FMN1: variants seen among roughly 807,000 people sequenced by gnomAD.
FMN1 encodes formin-1.
A neutral mutation model predicts 132.4 loss-of-function variants in FMN1; 110 were observed. The observed-to-expected ratio is 0.83, with a 90% CI of 0.71 to 0.97. The LOEUF is 0.97. Ranked by LOEUF, FMN1 falls within the 50% of genes least tolerant of loss-of-function variation. The probability of loss-of-function intolerance (pLI) is 0.00; values close to 1 mark genes in which losing one functional copy is unlikely to be tolerated. For missense variants in FMN1, 1,792 were observed against 1,705.3 expected (o/e 1.05, Z -0.90); for synonymous variants, 722 against 651.7 (o/e 1.11, Z -1.64).
At chr15:32,850,138 T>C (rs1052229482) in intron 17 of FMN1, among the ~76,000 whole-genome samples, 7 of 152,242 alleles carry the variant, frequency 4.6e-5, no homozygotes, top group Admixed American at 4.6e-4. Context: ...TCATGTTCTC[T>C]AGCCATACTT....
Position 33,137,256 on chromosome 15 carries a change from C to T in FMN1, c.1867+15792G>A, listed in dbSNP as rs962630453. Among the ~76,000 whole-genome samples, 4 of 152,146 alleles carry T rather than the reference C, an allele frequency of 2.6e-5. No individual in the cohort carries two copies. In the East Asian group the frequency reaches 7.7e-4, roughly 29 times the overall value. On this transcript the variant is annotated intron_variant, in intron 4 of 20. Coordinates refer to ENST00000616417, the MANE Select transcript of FMN1 (RefSeq NM_001277313.2). ...GTTCTTATTCACAGCTGGCTTTCAG[C>T]CCATGCCACCCTTGCCTTTCCCCAT...
At chr15:32,975,085 C>A (rs527696816) in intron 7 of FMN1, among the ~76,000 whole-genome samples, 2 of 152,300 alleles carry the variant, frequency 1.3e-5, no homozygotes, top group East Asian at 3.9e-4. Flanking sequence ...ACTTAGAGAA[C>A]CTTTTATCCA....
At chr15:33,056,022 T>G (rs1041250567) in intron 6 of FMN1, among the ~76,000 whole-genome samples, 1 of 152,154 alleles carries the variant, frequency 6.6e-6, no homozygotes, top group African/African-American at 2.4e-5. Context: ...AAAACCAGAA[T>G]GAGCTCAAAT....
intron 4 of FMN1, among the ~76,000 whole-genome samples, chr15:33,128,426 C>A (rs982365708): frequency 6.6e-6 from 1 of 152,180 alleles, no homozygotes; most frequent in African/African-American, 2.4e-5. Flanking sequence ...ATCATTCTTT[C>A]TACCTCCTAA....
intron 7 of FMN1, among the ~76,000 whole-genome samples, chr15:32,985,485 A>G (rs2033008476): frequency 6.6e-6 from 1 of 152,192 alleles, no homozygotes; most frequent in South Asian, 2.1e-4. Context: ...TGACTGTTAG[A>G]AATCCTTAAA....
intron 7 of FMN1, among the ~76,000 whole-genome samples, chr15:32,995,703 C>A (rs183996688): frequency 2.0e-3 from 309 of 152,242 alleles, no homozygotes; most frequent in African/African-American, 7.2e-3. Flanking sequence ...TGTAAGAAGC[C>A]AAGTTATGTA....
In FMN1 at chr15:32,770,847, C is replaced by T. The variant is rs2056211151; in HGVS notation, c.*3463G>A. On this transcript the variant is annotated 3_prime_UTR_variant, in exon 21 of 21. Coordinates refer to ENST00000616417, the MANE Select transcript of FMN1 (RefSeq NM_001277313.2). ...AGATTTCAGAAAATCTTTATAATTCCTGAGTAGTTGCAGTGAGTGTGTAGA... is the reference window on the plus strand; with the variant it reads ...AGATTTCAGAAAATCTTTATAATTCTTGAGTAGTTGCAGTGAGTGTGTAGA... 1 of 151,934 alleles carries T rather than the reference C, an allele frequency of 6.6e-6. No homozygotes were observed. The highest frequency in any genetic ancestry group is 6.6e-5 in the Admixed American group (1 of 15,234). 9.4% of individuals were successfully genotyped at this position (151,934 alleles called of 1,614,324 possible).
At chr15:33,041,644 G>A (rs898817737) in intron 6 of FMN1, among the ~76,000 whole-genome samples, 9 of 151,824 alleles carry the variant, frequency 5.9e-5, no homozygotes, top group Non-Finnish European at 1.3e-4. Context: ...ATCATTAGAG[G>A]AATGAAAATC....
intron 18 of FMN1, 38 bp from the exon 19 acceptor site, chr15:32,798,991 G>C (rs1378086937): frequency 6.3e-7 from 1 of 1,592,202 alleles, no homozygotes; most frequent in East Asian, 2.2e-5. Context: ...TGAGGTAGAG[G>C]TGAGAAATTG....
At chr15:32,854,475 A>G (rs1448814039) in intron 17 of FMN1, among the ~76,000 whole-genome samples, 1 of 152,238 alleles carries the variant, frequency 6.6e-6, no homozygotes, top group African/African-American at 2.4e-5. Context: ...ATAGAATGGT[A>G]ATGTTTCCTT....
At chr15:32,785,538 G>A (rs2056848533) in intron 19 of FMN1, among the ~76,000 whole-genome samples, 1 of 151,958 alleles carries the variant, frequency 6.6e-6, no homozygotes, top group Admixed American at 6.6e-5. Flanking sequence ...AAACACCTAT[G>A]GGTGATATGT....
At chr15:32,866,119 C>G (rs1416856810) in intron 16 of FMN1, among the ~76,000 whole-genome samples, 1 of 150,874 alleles carries the variant, frequency 6.6e-6, no homozygotes, top group African/African-American at 2.4e-5. Flanking sequence ...AGGAGATATA[C>G]CTAATGTAAA....
rs199823671 is a variant in FMN1, at chr15:32,769,739, T to C, written c.*4571A>G. The C allele has an allele frequency of 3.0e-4, 46 of 152,330 alleles. No individual in the cohort carries two copies. The highest frequency in any genetic ancestry group is 1.1e-3 in the African/African-American group (46 of 41,564). The allele number at this position is 152,330 out of a possible 1,614,324, so 9.4% of individuals were successfully genotyped here. ...CCATCAGCTTGGCCACACAGACTGG[T>C]TTCATCTGTGTTGCAGATTTCTTTA... On this transcript the variant is annotated 3_prime_UTR_variant, in exon 21 of 21. Transcript: ENST00000616417.
intron 3 of FMN1, among the ~76,000 whole-genome samples, chr15:33,167,285 G>A (rs1006290781): frequency 1.3e-5 from 2 of 152,134 alleles, no homozygotes; most frequent in African/African-American, 4.8e-5. Flanking sequence ...TTTTATAAAT[G>A]GAAGTTCCCC....
chr15:32,917,193 C>T lies in FMN1; in HGVS notation c.3227-6658G>A, dbSNP rs548265001. ...GGGTGTGGAGCGTGGAAGGACCACT[C>T]GGAGGCAAGGCCAGGGGACCGTACA... On this transcript the variant is annotated intron_variant, in intron 10 of 20. Transcript: ENST00000616417. Among the ~76,000 whole-genome samples, 56 of 152,294 alleles carry T rather than the reference C, an allele frequency of 3.7e-4. No homozygotes were observed. The East Asian group carries it at 3.9e-3, about 10-fold the overall frequency.
At chr15:33,017,133 T>C (rs928837684) in intron 6 of FMN1, among the ~76,000 whole-genome samples, 1 of 129,454 alleles carries the variant, frequency 7.7e-6, no homozygotes, top group Admixed American at 7.5e-5. Flanking sequence ...ACTTAAAGCA[T>C]AATTTAAAAA....
chr15:32,776,800 A>G (rs2056433226), intron 20 of FMN1, 35 bp downstream of exon 20: 6 of 1,342,900 alleles, frequency 4.5e-6, no homozygotes, highest in Non-Finnish European at 6.3e-6. Context: ...AATTTTCATG[A>G]CAATCGTTAG....
intron 16 of FMN1, among the ~76,000 whole-genome samples, chr15:32,876,183 C>T (rs965874452): frequency 8.5e-5 from 13 of 152,194 alleles, no homozygotes; most frequent in East Asian, 1.9e-4. Context: ...ATCAAAAGCA[C>T]TTGTGTTGTT....
chr15:33,067,149 C>G (rs867544067), intron 5 of FMN1: 1 of 1,613,860 alleles, frequency 6.2e-7, no homozygotes, highest in Non-Finnish European at 8.5e-7. Flanking sequence ...TGGTTTGTTA[C>G]TGCAGGTAGG....
Sources: allele counts gnomAD v4.1 joint callset (sites outside exome capture counted in the v4.1 genomes callset), GRCh38; gene constraint gnomAD v4.1.1; transcripts MANE v1.5; gene names NCBI Gene and HGNC (gene_info 2026-07-23, HGNC 2026-07-21).